The following OSBP variants were observed in gnomAD, a reference collection of about 807,000 sequenced individuals.
OSBP encodes the protein oxysterol binding protein.
In OSBP, 32 loss-of-function variants were observed where a neutral mutation model predicts 96.6. The ratio of observed to expected loss-of-function variants is 0.33; its 90% CI spans 0.25 to 0.45. OSBP has a LOEUF of 0.45. OSBP is among the 20% of genes least tolerant of loss of function. The pLI, the probability that OSBP is intolerant of heterozygous loss-of-function variation, is 1.00. For missense variants in OSBP, 653 were observed against 1,029.7 expected (o/e 0.63, Z 5.01); for synonymous variants, 369 against 389.6 (o/e 0.95, Z 0.62).
chr11:59,578,810 G>A lies in OSBP; in HGVS notation c.1879-480C>T, dbSNP rs1476616566. Among the ~76,000 whole-genome samples, 6 of 152,190 alleles carry A rather than the reference G, an allele frequency of 3.9e-5. No individual in the cohort carries two copies. In the East Asian group the frequency reaches 1.2e-3, roughly 29 times the overall value. ...TGAAATAACTGAGCCATGACTTGGG[G>A]ATTTCATTATCATTTTTTGTTATAT... On this transcript the variant is annotated intron_variant, in intron 11 of 13. Coordinates refer to ENST00000263847, the MANE Select transcript of OSBP (RefSeq NM_002556.3).
chr11:59,578,255 A>T lies in OSBP; in HGVS notation c.1954T>A (p.Cys652Ser). 1 of 1,614,168 alleles carries T rather than the reference A, an allele frequency of 6.2e-7. No homozygotes were observed. Among genetic ancestry groups the T allele is most frequent in the East Asian group, 2.2e-5 (1 of 44,886 alleles). The stretch of plus-strand genomic sequence containing the variant: ...CCAATGACTGGCTGTACTTTGAAAC[A>T]TTCCATTTTCTCATCCCACGTCCCC... The part of the protein sequence containing the change: ...LLGTWDEKME[C>S]FKVQPVIGEN... Residue 652 changes from cysteine to serine, a missense_variant, in exon 12 of 14, where the codon TGT becomes AGT. Around this residue, in one of 6 missense-constraint regions of OSBP, gnomAD observed 169 missense variants for 251.5 expected, o/e 0.67. Transcript: ENST00000263847.
In OSBP at chr11:59,578,280, C is replaced by T. The variant is rs532578203; in HGVS notation, c.1929G>A (p.Leu643=). 14 of 1,614,212 alleles carry T rather than the reference C, an allele frequency of 8.7e-6. No homozygotes were observed. The highest frequency in any genetic ancestry group is 1.1e-5 in the Non-Finnish European group (13 of 1,180,046). The change falls in exon 12 of 14, where the codon CTG becomes CTA. Residue 643 remains leucine (L), a synonymous_variant. Coordinates refer to ENST00000263847, the MANE Select transcript of OSBP (RefSeq NM_002556.3). The part of the protein sequence containing the change: ...DPSGKVHFAL[L]GTWDEKMECF... ...ATTCCATTTTCTCATCCCACGTCCC[C>T]AGAAGAGCAAAGTGGACTTTTCCTG... is the stretch of plus-strand genomic sequence containing the variant.
chr11:59,579,379 G>A (rs575620568), intron 11 of OSBP, among the ~76,000 whole-genome samples: 2 of 150,612 alleles, frequency 1.3e-5, no homozygotes, highest in East Asian at 3.9e-4. Flanking sequence ...TGCTGCCCAG[G>A]CTGGAGTGCA....
At chr11:59,577,067 C>G in intron 12 of OSBP, 42 bp from the exon 13 acceptor site, 22 of 1,531,960 alleles carry the variant, frequency 1.4e-5, no homozygotes, top group Non-Finnish European at 1.9e-5. Context: ...AATCCCAGAG[C>G]CCAGACCCTA....
chr11:59,612,751 C>T (rs1342658052), intron 1 of OSBP, among the ~76,000 whole-genome samples: 1 of 152,170 alleles, frequency 6.6e-6, no homozygotes, highest in Non-Finnish European at 1.5e-5. Context: ...GAAAGTTCTT[C>T]CCTGAAAAGG....
At chr11:59,592,301 C>A (rs1860594328) in intron 9 of OSBP, among the ~76,000 whole-genome samples, 1 of 152,218 alleles carries the variant, frequency 6.6e-6, no homozygotes, top group Non-Finnish European at 1.5e-5. Context: ...AGAGGTAACA[C>A]TGCAATTTCT....
intron 7 of OSBP, among the ~76,000 whole-genome samples, chr11:59,599,838 G>A (rs1373674901): frequency 6.6e-6 from 1 of 152,172 alleles, no homozygotes; most frequent in African/African-American, 2.4e-5. Flanking sequence ...GGGATGCGTG[G>A]GGTAGAGCCT....
At chr11:59,597,631 C>T (rs1354580180) in intron 7 of OSBP, among the ~76,000 whole-genome samples, 1 of 152,158 alleles carries the variant, frequency 6.6e-6, no homozygotes, top group African/African-American at 2.4e-5. Flanking sequence ...CCTCAACCTC[C>T]CGGTCTCAAG....
intron 11 of OSBP, 28 bp downstream of exon 11, chr11:59,580,146 A>T (rs1160073752): frequency 6.9e-7 from 1 of 1,446,678 alleles, no homozygotes; most frequent in South Asian, 1.1e-5. Flanking sequence ...ATGCTACGTG[A>T]AACAATTTAA....
intron 1 of OSBP, among the ~76,000 whole-genome samples, chr11:59,613,220 G>A (rs1003645462): frequency 2.6e-5 from 4 of 152,204 alleles, no homozygotes. Context: ...TTGTTTATGG[G>A]TGGGACCACC....
rs538737661 is a variant in OSBP at position 59,591,085 on chromosome 11, A to G, written c.1678+2519T>C. On this transcript the variant is annotated intron_variant, in intron 9 of 13. Coordinates refer to ENST00000263847, the MANE Select transcript of OSBP (RefSeq NM_002556.3). ...CAGGATCCCGGTGATCCAAATTCTT[A>G]AATAAGCATAGGAATGCAAATACTA... is the stretch of plus-strand genomic sequence containing the variant. Among the ~76,000 whole-genome samples, 209 of 152,352 alleles carry G rather than the reference A, an allele frequency of 1.4e-3. 1 individual carries two copies. Among genetic ancestry groups the G allele is most frequent in the African/African-American group, 4.8e-3 (200 of 41,582 alleles).
In OSBP at chr11:59,610,657, C is replaced by A; in HGVS notation, c.363-68G>T. ...GTTTATCCTTTATCACATTCCATTT[C>A]TTTTCATAACTCTGAGCTCCCTGAA... On this transcript the variant is annotated intron_variant, in intron 1 of 13. Transcript: ENST00000263847. 5 of 1,259,674 alleles carry A rather than the reference C, an allele frequency of 4.0e-6. No individual in the cohort carries two copies. The South Asian group carries it at 6.1e-5, about 15-fold the overall frequency. The allele number at this position is 1,259,674 out of a possible 1,614,324, so 78.0% of individuals were successfully genotyped here.
intron 3 of OSBP, among the ~76,000 whole-genome samples, chr11:59,604,191 T>C (rs1860752796): frequency 6.6e-6 from 1 of 152,210 alleles, no homozygotes; most frequent in Admixed American, 6.5e-5. Flanking sequence ...CAAAGAGTCG[T>C]TGTTTTACAT....
At chr11:59,591,382 T>C (rs1467341119) in intron 9 of OSBP, among the ~76,000 whole-genome samples, 1 of 152,176 alleles carries the variant, frequency 6.6e-6, no homozygotes, top group Non-Finnish European at 1.5e-5. Flanking sequence ...TCCTTTGGTA[T>C]TTGTGAGAGA....
At chr11:59,608,126 A>AATAC (rs141275090) in intron 3 of OSBP, among the ~76,000 whole-genome samples, 12,920 of 151,040 alleles carry the variant, frequency 0.086, 694 homozygotes, top group Admixed American at 0.14. Flanking sequence ...AAAATAAATA[A>AATAC]ATACATACAT....
rs1368702079 is a variant in OSBP, at chr11:59,615,414, G to GCGCCCGAGC, written c.242_250dup (p.Gly81_Gly83dup). ...CTCTCGAGCCGAGCCCGAACCCCCAGCGCCCGAGCCGCCCGAGCCCCCAGT... is the reference window on the plus strand; with the variant it reads ...CTCTCGAGCCGAGCCCGAACCCCCAGCGCCCGAGCCGCCCGAGCCGCCCGAGCCCCCAGT... On this transcript the variant is annotated inframe_insertion, in exon 1 of 14. Transcript: ENST00000263847. 30 of 1,536,112 alleles carry GCGCCCGAGC rather than the reference G, an allele frequency of 2.0e-5. No homozygotes were observed. The highest frequency in any genetic ancestry group is 1.9e-4 in the Middle Eastern group (1 of 5,154).
At chr11:59,606,582 C>T (rs1382819124) in intron 3 of OSBP, among the ~76,000 whole-genome samples, 2 of 152,148 alleles carry the variant, frequency 1.3e-5, no homozygotes, top group African/African-American at 4.8e-5. Flanking sequence ...TTGCGTACTA[C>T]GTTCACTACT....
At position 59,593,689 on chromosome 11, in the gene OSBP, A is replaced by G. The variant is rs1860612945; in HGVS notation, c.1593T>C (p.Ala531=). 6.2e-7 allele frequency: 1 copy of G among 1,614,162 alleles called. No individual in the cohort carries two copies. The highest frequency in any genetic ancestry group is 8.5e-7 in the Non-Finnish European group (1 of 1,180,002). Reference sequence around the variant, plus strand: ...GCAATGTCCAGCCATTTTTGGACTCAGCATGGTGCGCAGCAGCAGGGGGAT... The same window carrying G: ...GCAATGTCCAGCCATTTTTGGACTCGGCATGGTGCGCAGCAGCAGGGGGAT... ...SHHPPAAAHH[A]ESKNGWTLRQ... is the part of the protein sequence containing the mutation. The change falls in exon 9 of 14, where the codon GCT becomes GCC. Residue 531 remains alanine (A), a synonymous_variant. Transcript: ENST00000263847.
At chr11:59,580,494 G>C (rs779899389) in intron 10 of OSBP, among the ~76,000 whole-genome samples, 20 of 152,230 alleles carry the variant, frequency 1.3e-4, no homozygotes, top group Admixed American at 1.1e-3. Context: ...TATCTCACAT[G>C]TTAGATGGCA....
Sources: allele counts gnomAD v4.1 joint callset (sites outside exome capture counted in the v4.1 genomes callset), GRCh38; gene constraint gnomAD v4.1.1; regional missense constraint gnomAD v4.1.1; transcripts MANE v1.5; gene names NCBI Gene and HGNC (gene_info 2026-07-23, HGNC 2026-07-21).